The following PTPRO variants were observed in gnomAD, a reference collection of about 807,000 sequenced individuals.
The protein encoded by PTPRO is protein tyrosine phosphatase receptor type O.
Under a neutral mutation model 145.2 loss-of-function variants are expected in PTPRO, and 62 were observed. The ratio of observed to expected loss-of-function variants is 0.43; its 90% CI spans 0.35 to 0.53. PTPRO has a LOEUF of 0.53. PTPRO is among the 20% of genes least tolerant of loss of function. The pLI, the probability that PTPRO is intolerant of heterozygous loss-of-function variation, is 0.01. For missense variants in PTPRO, 1,345 were observed against 1,482.7 expected, an observed-to-expected ratio of 0.91 and a Z score of 1.53; for synonymous variants, 565 against 514.7, an observed-to-expected ratio of 1.10 and a Z score of -1.32.
rs528223584 is a variant in PTPRO at position 15,477,419 on chromosome 12, C to T, written c.76-6555C>T. 8.3e-3 allele frequency among the ~76,000 whole-genome samples: 1,238 copies of T among 149,218 alleles called. 14 individuals carry two copies. The highest frequency in any genetic ancestry group is 0.029 in the African/African-American group (1,162 of 40,372). ...TAATGCTAGATGATGAGTTAGTGGG[C>T]GCAGCGCACCAGCATGGCACATGTA... On this transcript the variant is annotated intron_variant, in intron 1 of 26. Coordinates refer to ENST00000281171, the MANE Select transcript of PTPRO (RefSeq NM_030667.3).
intron 18 of PTPRO, among the ~76,000 whole-genome samples, chr12:15,567,645 C>T (rs1331745792): frequency 6.6e-6 from 1 of 152,086 alleles, no homozygotes; most frequent in Non-Finnish European, 1.5e-5. Flanking sequence ...ACTTTAAGGT[C>T]GATACACTGC....
At chr12:15,358,940 C>G (rs1440511066) in intron 1 of PTPRO, among the ~76,000 whole-genome samples, 1 of 152,182 alleles carries the variant, frequency 6.6e-6, no homozygotes, top group Non-Finnish European at 1.5e-5. Flanking sequence ...ACTTTTGTTT[C>G]CTCCTGCTTT....
At chr12:15,584,693 G>C (rs1944394033) in intron 23 of PTPRO, among the ~76,000 whole-genome samples, 1 of 152,150 alleles carries the variant, frequency 6.6e-6, no homozygotes, top group African/African-American at 2.4e-5. Flanking sequence ...AGGCTAAGTT[G>C]CCCAAAGAAC....
At chr12:15,436,108 T>C (rs575944882) in intron 1 of PTPRO, among the ~76,000 whole-genome samples, 110 of 152,096 alleles carry the variant, frequency 7.2e-4, no homozygotes, top group Non-Finnish European at 1.3e-3. Context: ...ACCAGAATCT[T>C]TGGGACACAT....
At chr12:15,537,672 TTTTTA>T (rs1301276777) in intron 12 of PTPRO, among the ~76,000 whole-genome samples, 1 of 152,192 alleles carries the variant, frequency 6.6e-6, no homozygotes, top group Non-Finnish European at 1.5e-5. Context: ...TAGTTTTTTG[TTTTTA>T]TTTTGTTTTC....
intron 7 of PTPRO, among the ~76,000 whole-genome samples, chr12:15,515,012 G>T (rs1241508147): frequency 6.6e-6 from 1 of 151,718 alleles, no homozygotes; most frequent in Non-Finnish European, 1.5e-5. Flanking sequence ...TGATCTGCCT[G>T]CCTTGGCCTC....
intron 1 of PTPRO, among the ~76,000 whole-genome samples, chr12:15,384,958 G>C (rs1938976362): frequency 6.6e-6 from 1 of 152,138 alleles, no homozygotes; most frequent in African/African-American, 2.4e-5. Context: ...ACTGTAGTTA[G>C]TGATGCTTTT....
chr12:15,472,578 A>G (rs888915391), intron 1 of PTPRO, among the ~76,000 whole-genome samples: 2 of 152,146 alleles, frequency 1.3e-5, no homozygotes, highest in Non-Finnish European at 1.5e-5. Context: ...TCTTTCATAC[A>G]TCACTTGCTC....
intron 1 of PTPRO, among the ~76,000 whole-genome samples, chr12:15,436,982 T>C (rs1430088600): frequency 6.6e-6 from 1 of 151,752 alleles, no homozygotes; most frequent in Non-Finnish European, 1.5e-5. Context: ...TGCCCCATCC[T>C]CCTCCCCTGA....
At chr12:15,431,024 T>TA (rs545569412) in intron 1 of PTPRO, among the ~76,000 whole-genome samples, 4 of 152,168 alleles carry the variant, frequency 2.6e-5, no homozygotes, top group East Asian at 1.9e-4. Context: ...TTGACCTCAA[T>TA]AAAAAAATGT....
At chr12:15,572,585 T>A (rs529002208) in intron 19 of PTPRO, among the ~76,000 whole-genome samples, 1 of 152,348 alleles carries the variant, frequency 6.6e-6, no homozygotes, top group South Asian at 2.1e-4. Context: ...AACAGCTGAT[T>A]TATGATTAAA....
At chr12:15,391,384 C>T (rs961922166) in intron 1 of PTPRO, among the ~76,000 whole-genome samples, 1 of 152,152 alleles carries the variant, frequency 6.6e-6, no homozygotes, top group Admixed American at 6.5e-5. Context: ...CTATTCATTT[C>T]CCTCACCATT....
chr12:15,449,115 T>C (rs1343893017), intron 1 of PTPRO, among the ~76,000 whole-genome samples: 3 of 102,988 alleles, frequency 2.9e-5, no homozygotes, highest in Non-Finnish European at 4.4e-5. Flanking sequence ...TGAAAGAAGA[T>C]TTACAGACAA....
intron 17 of PTPRO, among the ~76,000 whole-genome samples, chr12:15,561,589 T>C (rs1430649985): frequency 6.6e-6 from 1 of 152,116 alleles, no homozygotes; most frequent in African/African-American, 2.4e-5. Context: ...GTTTTTAGTA[T>C]AGGGCTTCAG....
At chr12:15,422,196 C>T (rs1268245996) in intron 1 of PTPRO, among the ~76,000 whole-genome samples, 2 of 152,096 alleles carry the variant, frequency 1.3e-5, no homozygotes, top group African/African-American at 2.4e-5. Flanking sequence ...TTCATTCTTA[C>T]CTCTGCCAAA....
intron 9 of PTPRO, chr12:15,517,172 G>A (rs963412600): frequency 2.3e-5 from 14 of 600,464 alleles, no homozygotes; most frequent in Non-Finnish European, 4.1e-5. Context: ...CACGTGGCTG[G>A]GGAAGCCTCA....
intron 1 of PTPRO, among the ~76,000 whole-genome samples, chr12:15,342,450 T>A (rs894909099): frequency 5.3e-5 from 8 of 152,214 alleles, no homozygotes; most frequent in African/African-American, 1.2e-4. Flanking sequence ...TTATAGAGCA[T>A]CAATTGTGTG....
intron 1 of PTPRO, among the ~76,000 whole-genome samples, chr12:15,444,069 T>C (rs1284489734): frequency 6.6e-6 from 1 of 151,550 alleles, no homozygotes; most frequent in African/African-American, 2.4e-5. Flanking sequence ...GATAACAACA[T>C]CAAGGAATCA....
intron 1 of PTPRO, chr12:15,348,599 A>T (rs1591726145): frequency 6.6e-6 from 1 of 152,244 alleles, no homozygotes; most frequent in Non-Finnish European, 1.5e-5. Flanking sequence ...TCTACTAAAA[A>T]CACAGTGAAA....
Sources: gnomAD v4.1 joint callset for allele counts (sites outside exome capture counted in the v4.1 genomes callset) on GRCh38, gnomAD v4.1.1 for gene constraint, MANE v1.5 for transcripts, NCBI Gene and HGNC (gene_info 2026-07-23, HGNC 2026-07-21) for gene names.